The following RBFOX1 variants were observed in gnomAD, a reference collection of about 807,000 sequenced individuals.
RBFOX1 encodes RNA binding fox-1 homolog 1, also known as RNA binding protein fox-1 homolog 1.
Under a neutral mutation model 57.7 loss-of-function variants are expected in RBFOX1, and 8 were observed. That is an observed-to-expected ratio of 0.14 (90% confidence interval 0.08 to 0.25). The LOEUF (loss-of-function observed/expected upper bound fraction) is 0.25. Ranked by LOEUF, RBFOX1 falls within the 10% of genes least tolerant of loss-of-function variation. The pLI, the probability that RBFOX1 is intolerant of heterozygous loss-of-function variation, is 1.00. For synonymous variants in RBFOX1, 326 were observed against 222.4 expected (o/e 1.47, Z -4.15); for missense variants, 611 against 548.5 (o/e 1.11, Z -1.14).
intron 3 of RBFOX1, among the ~76,000 whole-genome samples, chr16:5,773,408 A>G (rs1470753818): frequency 6.6e-6 from 1 of 152,202 alleles, no homozygotes; most frequent in African/African-American, 2.4e-5. Context: ...CATAAATGAG[A>G]TCATAGTATG....
At chr16:7,660,650 T>C (rs1464002439) in intron 12 of RBFOX1, among the ~76,000 whole-genome samples, 1 of 152,190 alleles carries the variant, frequency 6.6e-6, no homozygotes, top group African/African-American at 2.4e-5. Flanking sequence ...TGGAGGATGG[T>C]GTTGCATAGA....
intron 4 of RBFOX1, among the ~76,000 whole-genome samples, chr16:7,368,793 A>AAT (rs1555790890): frequency 2.0e-4 from 30 of 151,660 alleles, no homozygotes; most frequent in African/African-American, 7.0e-4. Flanking sequence ...AAAAAAAAAA[A>AAT]AAATAAAAAT....
chr16:5,303,225 A>C (rs1301850299), intron 1 of RBFOX1, among the ~76,000 whole-genome samples: 2 of 152,186 alleles, frequency 1.3e-5, no homozygotes, highest in South Asian at 2.1e-4. Context: ...TAATATTATC[A>C]TCATAGTGTT....
At chr16:7,322,000 G>A (rs940139332) in intron 4 of RBFOX1, among the ~76,000 whole-genome samples, 1 of 152,200 alleles carries the variant, frequency 6.6e-6, no homozygotes, top group Non-Finnish European at 1.5e-5. Context: ...TCTCTGTCTT[G>A]TCTGCAAAAC....
At chr16:6,294,660 A>C (rs1340996210) in intron 1 of RBFOX1, among the ~76,000 whole-genome samples, 1 of 152,190 alleles carries the variant, frequency 6.6e-6, no homozygotes, top group African/African-American at 2.4e-5. Flanking sequence ...CTGGATGATG[A>C]AGAGGGCTCT....
intron 5 of RBFOX1, among the ~76,000 whole-genome samples, chr16:7,528,228 C>A (rs9935738): frequency 6.6e-6 from 1 of 152,206 alleles, no homozygotes; most frequent in East Asian, 1.9e-4. Context: ...TTAGAGCCAT[C>A]TGACAAGTTT....
Position 5,927,719 on chromosome 16 carries a change from G to C in RBFOX1, c.351+60384G>C, listed in dbSNP as rs28896176. Among the ~76,000 whole-genome samples, 569 of 152,288 alleles carry C rather than the reference G, an allele frequency of 3.7e-3. 4 individuals are homozygous for C. The highest frequency in any genetic ancestry group is 0.013 in the African/African-American group (547 of 41,572). ...TGTAAGTGTCCTGCAACGGATGAATGGGTAAAAATAATGTGGTGTATATAC... is the reference window on the plus strand; with the variant it reads ...TGTAAGTGTCCTGCAACGGATGAATCGGTAAAAATAATGTGGTGTATATAC... On this transcript the variant is annotated intron_variant, in intron 4 of 19. Transcript: ENST00000641259.
intron 2 of RBFOX1, among the ~76,000 whole-genome samples, chr16:6,464,648 C>G (rs556982030): frequency 1.3e-5 from 2 of 152,226 alleles, no homozygotes; most frequent in African/African-American, 4.8e-5. Flanking sequence ...CCTAACATCG[C>G]TGCTATAGTT....
intron 3 of RBFOX1, among the ~76,000 whole-genome samples, chr16:5,781,998 G>T (rs1262196860): frequency 6.6e-6 from 1 of 152,210 alleles, no homozygotes; most frequent in Non-Finnish European, 1.5e-5. Flanking sequence ...TTGAGGTCAG[G>T]AGTTCAAGAC....
At chr16:6,765,599 A>G (rs879441843) in intron 3 of RBFOX1, among the ~76,000 whole-genome samples, 3 of 152,194 alleles carry the variant, frequency 2.0e-5, no homozygotes, top group Non-Finnish European at 4.4e-5. Flanking sequence ...AGATTTTTCA[A>G]AGAAGTAAAA....
chr16:6,683,833 G>C (rs117741859), intron 3 of RBFOX1, among the ~76,000 whole-genome samples: 4,072 of 152,238 alleles, frequency 0.027, 96 homozygotes, highest in Non-Finnish European at 0.041. Flanking sequence ...CTCTTCATGG[G>C]TTTTGTAACT....
chr16:6,682,613 A>T (rs1029739793), intron 3 of RBFOX1, among the ~76,000 whole-genome samples: 1 of 152,010 alleles, frequency 6.6e-6, no homozygotes, highest in Non-Finnish European at 1.5e-5. Context: ...CTGGCCTCCA[A>T]CCGCCAGATG....
At chr16:7,174,859 C>G (rs994274977) in intron 4 of RBFOX1, among the ~76,000 whole-genome samples, 11 of 152,140 alleles carry the variant, frequency 7.2e-5, no homozygotes, top group South Asian at 2.1e-4. Context: ...TCCCCACCAG[C>G]AACATACAAG....
At chr16:7,107,216 G>C (rs1599687217) in intron 4 of RBFOX1, among the ~76,000 whole-genome samples, 1 of 152,182 alleles carries the variant, frequency 6.6e-6, no homozygotes, top group East Asian at 1.9e-4. Flanking sequence ...AGACTGAGTG[G>C]CTGGTGGGTA....
At chr16:7,413,861 C>G (rs2098454020) in intron 4 of RBFOX1, among the ~76,000 whole-genome samples, 1 of 152,126 alleles carries the variant, frequency 6.6e-6, no homozygotes, top group African/African-American at 2.4e-5. Flanking sequence ...GTTGATGAGA[C>G]TCATCACTTT....
At chr16:7,076,596 T>C (rs2058343028) in intron 4 of RBFOX1, among the ~76,000 whole-genome samples, 1 of 152,220 alleles carries the variant, frequency 6.6e-6, no homozygotes, top group African/African-American at 2.4e-5. Flanking sequence ...TTCAAATTAC[T>C]GCTTTAGCAA....
At chr16:5,860,349 A>G (rs563026984) in intron 3 of RBFOX1, among the ~76,000 whole-genome samples, 1 of 152,284 alleles carries the variant, frequency 6.6e-6, no homozygotes, top group South Asian at 2.1e-4. Flanking sequence ...TGCTGGGATT[A>G]CAGACGTGAG....
chr16:5,562,743 G>C (rs561091381), intron 2 of RBFOX1, among the ~76,000 whole-genome samples: 2 of 152,022 alleles, frequency 1.3e-5, no homozygotes, highest in Admixed American at 1.3e-4. Flanking sequence ...GTTTTTTTCT[G>C]ATCTGTTCAA....
At chr16:7,644,842 T>G (rs919032472) in intron 11 of RBFOX1, among the ~76,000 whole-genome samples, 11 of 152,064 alleles carry the variant, frequency 7.2e-5, no homozygotes, top group Admixed American at 1.3e-4. Context: ...AGATGTGAAA[T>G]TAGATAAAGA....
Sources: gnomAD v4.1 joint callset for allele counts (sites outside exome capture counted in the v4.1 genomes callset) on GRCh38, gnomAD v4.1.1 for gene constraint, MANE v1.5 for transcripts, NCBI Gene and HGNC (gene_info 2026-07-23, HGNC 2026-07-21) for gene names.